PGM5: variants seen among roughly 807,000 people sequenced by gnomAD.
The protein encoded by PGM5 is phosphoglucomutase-like protein 5.
Under a neutral mutation model 59.2 loss-of-function variants are expected in PGM5, and 23 were observed. That is an observed-to-expected ratio of 0.39 (90% CI 0.28 to 0.55). The LOEUF is 0.55. Among genes scored for constraint, PGM5 ranks in the 20% least tolerant of loss-of-function variants. PGM5 has a pLI of 0.66. For synonymous variants in PGM5, 214 were observed against 286.0 expected (o/e 0.75, Z 2.54); for missense variants, 574 against 748.3 (o/e 0.77, Z 2.72).
intron 6 of PGM5, among the ~76,000 whole-genome samples, chr9:68,426,201 T>A (rs191220583): frequency 5.2e-4 from 79 of 152,144 alleles, no homozygotes; most frequent in Non-Finnish European, 9.0e-4. Flanking sequence ...GTGTTTAAAT[T>A]TTCTACTCTG....
intron 6 of PGM5, among the ~76,000 whole-genome samples, chr9:68,462,782 A>G (rs1396071706): frequency 1.3e-5 from 2 of 152,104 alleles, no homozygotes; most frequent in African/African-American, 2.4e-5. Context: ...ACTTTGACCC[A>G]GGCTTGACTA....
chr9:68,501,472 G>C (rs1433771060), intron 10 of PGM5, among the ~76,000 whole-genome samples: 1 of 152,134 alleles, frequency 6.6e-6, no homozygotes, highest in Non-Finnish European at 1.5e-5. Flanking sequence ...CATTTTGAGG[G>C]CTCCTTACAG....
In PGM5 at chr9:68,529,582, C is replaced by G. The variant is rs778327747; in HGVS notation, c.1630C>G (p.Leu544Val). The G allele has an allele frequency of 2.9e-5, 46 of 1,596,324 alleles. No homozygotes were observed. The South Asian group carries it at 3.7e-4, about 13-fold the overall frequency. The change falls in exon 11 of 11, where the codon CTC becomes GTC. Residue 544 changes from leucine (L) to valine (V), a missense_variant. This residue lies in a region of PGM5 where 300 missense variants were observed against 280.0 expected (regional missense o/e 1.07). Transcript: ENST00000396396. ...CCTTTTGCAGGCAGTGCTGAGCCCT[C>G]TCATAGCCATCGCACTGAAAATATC... ...DQEPQAVLSP[L>V]IAIALKISQI...
At chr9:68,463,822 C>G (rs1823892970) in intron 6 of PGM5, among the ~76,000 whole-genome samples, 1 of 152,188 alleles carries the variant, frequency 6.6e-6, no homozygotes, top group African/African-American at 2.4e-5. Flanking sequence ...AGCAGACAGT[C>G]TCTGACATAT....
At chr9:68,434,678 C>T (rs868956213) in intron 6 of PGM5, among the ~76,000 whole-genome samples, 35 of 151,882 alleles carry the variant, frequency 2.3e-4, no homozygotes, top group Non-Finnish European at 2.8e-4. Flanking sequence ...TGCTGGCAGG[C>T]GCCTGTAATC....
At chr9:68,412,545 G>A (rs1554681676) in intron 6 of PGM5, among the ~76,000 whole-genome samples, 1 of 152,156 alleles carries the variant, frequency 6.6e-6, no homozygotes, top group South Asian at 2.1e-4. Context: ...TTCCTTAATG[G>A]ATGAAATCAC....
At chr9:68,385,813 T>G (rs1328856939) in intron 3 of PGM5, among the ~76,000 whole-genome samples, 1 of 152,056 alleles carries the variant, frequency 6.6e-6, no homozygotes, top group Non-Finnish European at 1.5e-5. Flanking sequence ...GCAGCCACAT[T>G]GCTAGTTGAA....
At chr9:68,453,215 T>A (rs1273767650) in intron 6 of PGM5, among the ~76,000 whole-genome samples, 2 of 152,240 alleles carry the variant, frequency 1.3e-5, no homozygotes, top group East Asian at 3.8e-4. Context: ...TACCTTTTCA[T>A]AATAAATTTA....
chr9:68,506,544 G>GT (rs1824657885), intron 10 of PGM5, among the ~76,000 whole-genome samples: 1 of 152,058 alleles, frequency 6.6e-6, no homozygotes, highest in Non-Finnish European at 1.5e-5. Flanking sequence ...AAAACAACCA[G>GT]TTTTCTGTAC....
At chr9:68,390,131 G>A (rs1302559983) in intron 4 of PGM5, among the ~76,000 whole-genome samples, 3 of 151,976 alleles carry the variant, frequency 2.0e-5, no homozygotes, top group Admixed American at 2.0e-4. Flanking sequence ...AAATCTGCTG[G>A]GAGCTCTGAG....
At chr9:68,467,602 G>C (rs1352590578) in intron 7 of PGM5, among the ~76,000 whole-genome samples, 2 of 152,124 alleles carry the variant, frequency 1.3e-5, no homozygotes, top group Admixed American at 1.3e-4. Flanking sequence ...TTAACAGTTT[G>C]TTCTAATTGG....
At chr9:68,394,828 C>T (rs1554679833) in intron 6 of PGM5, among the ~76,000 whole-genome samples, 1 of 152,028 alleles carries the variant, frequency 6.6e-6, no homozygotes, top group East Asian at 1.9e-4. Context: ...TGCTATGTTG[C>T]CTAGGCTGGT....
At chr9:68,523,002 A>G (rs756176360) in intron 10 of PGM5, among the ~76,000 whole-genome samples, 1 of 152,234 alleles carries the variant, frequency 6.6e-6, no homozygotes, top group Non-Finnish European at 1.5e-5. Context: ...AATTAATTAT[A>G]ACCTCGTGAT....
intron 6 of PGM5, among the ~76,000 whole-genome samples, chr9:68,457,883 A>G (rs1293633529): frequency 1.3e-5 from 2 of 152,240 alleles, no homozygotes; most frequent in African/African-American, 4.8e-5. Flanking sequence ...ACAGATAAGA[A>G]GATGATTCAT....
chr9:68,410,439 C>T (rs1401704308), intron 6 of PGM5, among the ~76,000 whole-genome samples: 23 of 151,998 alleles, frequency 1.5e-4, no homozygotes, highest in East Asian at 9.7e-4. Context: ...TTGCAGTCTT[C>T]AAAGATGTAA....
At chr9:68,522,430 A>C (rs571363120) in intron 10 of PGM5, among the ~76,000 whole-genome samples, 9 of 152,316 alleles carry the variant, frequency 5.9e-5, no homozygotes, top group Admixed American at 2.6e-4. Context: ...CCCACCAACA[A>C]GTACTTCCAG....
chr9:68,358,095 A>C (rs545944167), intron 1 of PGM5, among the ~76,000 whole-genome samples: 2,940 of 152,148 alleles, frequency 0.019, 45 homozygotes, highest in African/African-American at 0.066. Flanking sequence ...TTGATGCTAA[A>C]CAGCCTGAGC....
At chr9:68,484,388 A>T (rs1482937110) in intron 9 of PGM5, among the ~76,000 whole-genome samples, 2 of 151,698 alleles carry the variant, frequency 1.3e-5, no homozygotes, top group African/African-American at 2.4e-5. Flanking sequence ...AAAAAAAAAA[A>T]AAATAGCTGG....
At chr9:68,441,344 T>A (rs967496451) in intron 6 of PGM5, among the ~76,000 whole-genome samples, 16 of 152,166 alleles carry the variant, frequency 1.1e-4, no homozygotes, top group South Asian at 6.2e-4. Context: ...AAGAAAAATA[T>A]AAACTGATAT....
Sources: allele counts gnomAD v4.1 joint callset (sites outside exome capture counted in the v4.1 genomes callset), GRCh38; gene constraint gnomAD v4.1.1; regional missense constraint gnomAD v4.1.1; transcripts MANE v1.5; gene names NCBI Gene and HGNC (gene_info 2026-07-23, HGNC 2026-07-21).